The following KALRN variants were observed in gnomAD, a reference collection of about 807,000 sequenced individuals.
KALRN encodes the protein kalirin.
A neutral mutation model predicts 353.7 loss-of-function variants in KALRN; 70 were observed. That is an observed-to-expected ratio of 0.20 (90% CI 0.16 to 0.24). KALRN has a LOEUF of 0.24. Among genes scored for constraint, KALRN ranks in the 10% least tolerant of loss-of-function variants. The pLI is 1.00. For synonymous variants in KALRN, 1,391 were observed against 1,434.8 expected (o/e 0.97, Z 0.69); for missense variants, 2,791 against 3,756.7 (o/e 0.74, Z 6.72).
At chr3:124,230,226 G>T (rs1463907783) in intron 2 of KALRN, among the ~76,000 whole-genome samples, 2 of 152,064 alleles carry the variant, frequency 1.3e-5, no homozygotes, top group African/African-American at 4.8e-5. Context: ...CTGTCCCCTG[G>T]ATATCCTGCC....
intron 1 of KALRN, among the ~76,000 whole-genome samples, chr3:124,112,304 C>CAAAAAAAAA (rs111307023): frequency 1.6e-5 from 2 of 125,942 alleles, no homozygotes; most frequent in Non-Finnish European, 1.6e-5. Context: ...CTCCATCTCA[C>CAAAAAAAAA]AAAAAAAAAA....
At chr3:124,342,448 A>G (rs548856794) in intron 9 of KALRN, among the ~76,000 whole-genome samples, 26 of 152,308 alleles carry the variant, frequency 1.7e-4, no homozygotes, top group African/African-American at 4.8e-4. Context: ...ACTCAAGATC[A>G]TGGCCTCCAG....
chr3:124,113,983 C>G (rs891389462), intron 1 of KALRN, among the ~76,000 whole-genome samples: 1 of 152,170 alleles, frequency 6.6e-6, no homozygotes. Context: ...GCTGAGGCAA[C>G]AGGGTCTTTG....
At chr3:124,373,197 G>T (rs1354509389) in intron 10 of KALRN, among the ~76,000 whole-genome samples, 1 of 152,114 alleles carries the variant, frequency 6.6e-6, no homozygotes, top group Non-Finnish European at 1.5e-5. Context: ...AACTGGGAAG[G>T]TTGTATGATC....
intron 49 of KALRN, chr3:124,675,490 CAATT>C (rs2087062734): frequency 6.8e-6 from 1 of 147,502 alleles, no homozygotes; most frequent in Non-Finnish European, 1.5e-5. Context: ...AATGTGCAAA[CAATT>C]CTTCTTCTTT....
intron 21 of KALRN, 53 bp downstream of exon 21, chr3:124,446,938 G>A: frequency 6.3e-7 from 1 of 1,589,434 alleles, no homozygotes; most frequent in Non-Finnish European, 8.5e-7. Flanking sequence ...CTCCATTCTG[G>A]CCAATTTCAC....
At chr3:124,383,997 A>G (rs1473938482) in intron 10 of KALRN, among the ~76,000 whole-genome samples, 1 of 152,206 alleles carries the variant, frequency 6.6e-6, no homozygotes, top group Non-Finnish European at 1.5e-5. Flanking sequence ...CTAAGTCAGG[A>G]CATATCAGGA....
At chr3:124,461,741 G>A in intron 23 of KALRN, 149 bp from the exon 24 acceptor site, 1 of 619,114 alleles carries the variant, frequency 1.6e-6, no homozygotes, top group Non-Finnish European at 2.9e-6. Context: ...GGAAAGGGAA[G>A]GAATTTTGAA....
intron 1 of KALRN, among the ~76,000 whole-genome samples, chr3:124,221,094 G>A (rs1010637198): frequency 6.6e-6 from 1 of 152,204 alleles, no homozygotes; most frequent in Non-Finnish European, 1.5e-5. Context: ...CCTGTTGGGA[G>A]TCAGACCACA....
chr3:124,244,516 C>T (rs370231156), intron 3 of KALRN, among the ~76,000 whole-genome samples: 2 of 152,192 alleles, frequency 1.3e-5, no homozygotes, highest in African/African-American at 2.4e-5. Flanking sequence ...GGATTACAGG[C>T]GTGAGCGACC....
chr3:124,159,654 G>T (rs1393558130), intron 1 of KALRN, among the ~76,000 whole-genome samples: 6 of 150,978 alleles, frequency 4.0e-5, no homozygotes. Flanking sequence ...CTCTAGCTGT[G>T]CAGTAGCCCA....
At chr3:124,105,012 C>G (rs2062167891) in intron 1 of KALRN, among the ~76,000 whole-genome samples, 1 of 152,082 alleles carries the variant, frequency 6.6e-6, no homozygotes, top group Admixed American at 6.6e-5. Flanking sequence ...TGGGGAACTT[C>G]TGAGCATAAG....
chr3:124,202,974 C>G (rs2076093736), intron 1 of KALRN, among the ~76,000 whole-genome samples: 1 of 152,168 alleles, frequency 6.6e-6, no homozygotes, highest in African/African-American at 2.4e-5. Flanking sequence ...TCGCAGCTTT[C>G]TTGTTTCCTT....
chr3:124,455,056 A>G (rs2059172234), intron 21 of KALRN, 121 bp from the exon 22 acceptor site: 9 of 992,812 alleles, frequency 9.1e-6, no homozygotes, highest in Non-Finnish European at 4.5e-6. Context: ...AAGCTGGGAT[A>G]CATACCCAGG....
At chr3:124,183,741 T>C (rs2073896184) in intron 1 of KALRN, among the ~76,000 whole-genome samples, 1 of 152,212 alleles carries the variant, frequency 6.6e-6, no homozygotes, top group African/African-American at 2.4e-5. Flanking sequence ...TAAATTGCTA[T>C]GGTTTAAGCC....
At chr3:124,070,839 C>A (rs2059982606) in intron 1 of KALRN, among the ~76,000 whole-genome samples, 1 of 152,166 alleles carries the variant, frequency 6.6e-6, no homozygotes, top group African/African-American at 2.4e-5. Context: ...TGGGCCTGTC[C>A]CTTCTCCTTT....
chr3:124,199,236 T>C (rs910729530), intron 1 of KALRN, among the ~76,000 whole-genome samples: 1 of 152,198 alleles, frequency 6.6e-6, no homozygotes, highest in Non-Finnish European at 1.5e-5. Context: ...TCTGCTTTAT[T>C]TGCACCAAGA....
At chr3:124,072,104 G>T (rs537926750) in intron 1 of KALRN, among the ~76,000 whole-genome samples, 19 of 152,296 alleles carry the variant, frequency 1.2e-4, no homozygotes, top group Non-Finnish European at 2.6e-4. Context: ...ATGGGCTGTT[G>T]ACACCAGGGA....
chr3:124,078,874 T>C (rs2060393700), intron 1 of KALRN, among the ~76,000 whole-genome samples: 1 of 152,106 alleles, frequency 6.6e-6, no homozygotes, highest in Admixed American at 6.5e-5. Context: ...GGACAAGGGT[T>C]GTTGATTGTA....
Sources: gnomAD v4.1 joint callset for allele counts (sites outside exome capture counted in the v4.1 genomes callset) on GRCh38, gnomAD v4.1.1 for gene constraint, MANE v1.5 for transcripts, NCBI Gene and HGNC (gene_info 2026-07-23, HGNC 2026-07-21) for gene names.